Variants in NOL4 observed in about 807,000 individuals in gnomAD.
The protein encoded by NOL4 is cancer/testis antigen 125.
A neutral mutation model predicts 75.9 loss-of-function variants in NOL4; 17 were observed. The observed-to-expected ratio is 0.22, with a 90% CI of 0.15 to 0.34. NOL4 has a LOEUF of 0.34. NOL4 is among the 10% of genes least tolerant of loss of function. NOL4 has a pLI of 1.00. For missense variants in NOL4, 614 were observed against 793.5 expected, an observed-to-expected ratio of 0.77 and a Z score of 2.72; for synonymous variants, 292 against 289.9, an observed-to-expected ratio of 1.01 and a Z score of -0.07.
At chr18:34,048,360 T>C (rs2076474654) in intron 5 of NOL4, 6 of 725,656 alleles carry the variant, frequency 8.3e-6, no homozygotes, top group South Asian at 6.2e-5. Flanking sequence ...GTCATTCTAC[T>C]GCTTCATGGG....
intron 1 of NOL4, among the ~76,000 whole-genome samples, chr18:34,154,482 T>C (rs1170619876): frequency 6.6e-6 from 1 of 152,018 alleles, no homozygotes; most frequent in Non-Finnish European, 1.5e-5. Flanking sequence ...TCATTATGTT[T>C]GTGGGATTCA....
intron 5 of NOL4, among the ~76,000 whole-genome samples, chr18:34,087,018 G>C (rs1568324077): frequency 6.6e-6 from 1 of 152,250 alleles, no homozygotes; most frequent in South Asian, 2.1e-4. Context: ...TGAGCATGAA[G>C]TGCACCAATG....
In NOL4 at chr18:34,069,392, T is replaced by C. The variant is rs187809391; in HGVS notation, c.772+24073A>G. On this transcript the variant is annotated intron_variant, in intron 5 of 10. Transcript: ENST00000261592. ...AATCAAGTGGAAAACAGATGGTCAG[T>C]GACCTGTGGCATAAACTTCAAAAAT... Among the ~76,000 whole-genome samples the C allele has an allele frequency of 2.8e-4, 43 of 152,278 alleles. No homozygotes were observed. The East Asian group carries it at 7.9e-3, about 28-fold the overall frequency.
chr18:33,890,232 T>C (rs1001812601), intron 9 of NOL4, among the ~76,000 whole-genome samples: 2 of 151,804 alleles, frequency 1.3e-5, no homozygotes, highest in African/African-American at 4.8e-5. Context: ...AGCATTCCTA[T>C]ACACCAGTAA....
At chr18:34,049,707 A>G (rs1013756152) in intron 5 of NOL4, among the ~76,000 whole-genome samples, 1 of 152,028 alleles carries the variant, frequency 6.6e-6, no homozygotes, top group East Asian at 1.9e-4. Flanking sequence ...CTATTCCTGC[A>G]TACCACCCTT....
At chr18:33,988,896 A>T (rs1314461326) in intron 6 of NOL4, among the ~76,000 whole-genome samples, 1 of 151,992 alleles carries the variant, frequency 6.6e-6, no homozygotes, top group Non-Finnish European at 1.5e-5. Context: ...TTTAAAATAG[A>T]GGTTTAAAAT....
intron 5 of NOL4, among the ~76,000 whole-genome samples, chr18:34,060,725 G>A (rs1436086329): frequency 6.6e-6 from 1 of 152,120 alleles, no homozygotes; most frequent in African/African-American, 2.4e-5. Flanking sequence ...GGAGGAAATG[G>A]ACAAATCTGT....
chr18:33,896,087 C>A (rs140746014), intron 9 of NOL4, among the ~76,000 whole-genome samples: 1 of 151,936 alleles, frequency 6.6e-6, no homozygotes, highest in Non-Finnish European at 1.5e-5. Context: ...AGGAATACAG[C>A]TAACGAGGGA....
At chr18:33,912,725 C>T (rs571595960) in intron 9 of NOL4, among the ~76,000 whole-genome samples, 32 of 152,182 alleles carry the variant, frequency 2.1e-4, no homozygotes, top group African/African-American at 7.5e-4. Flanking sequence ...ATAAATATTA[C>T]TCTCTTCTAC....
At chr18:33,997,291 T>C (rs1203047947) in intron 6 of NOL4, among the ~76,000 whole-genome samples, 2 of 151,982 alleles carry the variant, frequency 1.3e-5, no homozygotes, top group Non-Finnish European at 2.9e-5. Flanking sequence ...TTCTTTTGCA[T>C]ATCAACAGCC....
chr18:34,155,550 C>T (rs2030222136), intron 1 of NOL4, among the ~76,000 whole-genome samples: 1 of 152,038 alleles, frequency 6.6e-6, no homozygotes, highest in South Asian at 2.1e-4. Flanking sequence ...GACTACTACA[C>T]ACCTAGGCTG....
chr18:34,185,125 C>T (rs1333652886), intron 1 of NOL4, among the ~76,000 whole-genome samples: 1 of 152,140 alleles, frequency 6.6e-6, no homozygotes, highest in African/African-American at 2.4e-5. Flanking sequence ...TGCCTCCTTA[C>T]ACTAGATTCC....
At position 34,224,374 on chromosome 18, in the gene NOL4, G is replaced by A. The variant is rs1385053525; in HGVS notation, c.-1121C>T. 2 of 152,588 alleles carry A rather than the reference G, an allele frequency of 1.3e-5. No individual in the cohort carries two copies. Among genetic ancestry groups the A allele is most frequent in the African/African-American group, 2.4e-5 (1 of 41,442 alleles). The allele number at this position is 152,588 out of a possible 1,614,324, so 9.5% of individuals were successfully genotyped here. On this transcript the variant is annotated 5_prime_UTR_variant, in exon 1 of 11. Coordinates refer to ENST00000261592, the MANE Select transcript of NOL4 (RefSeq NM_003787.5). The stretch of plus-strand genomic sequence containing the variant: ...GTCTATTTTCCCCCTGCCACGTCAT[G>A]GACACCCCCTCCACTGCTCTGAGTA...
chr18:33,907,011 T>C (rs1388871958), intron 9 of NOL4, among the ~76,000 whole-genome samples: 2 of 152,126 alleles, frequency 1.3e-5, no homozygotes, highest in East Asian at 3.9e-4. Context: ...AGTTACTTAG[T>C]TTTCAGATTG....
intron 6 of NOL4, among the ~76,000 whole-genome samples, chr18:33,993,526 G>A (rs998207499): frequency 2.5e-4 from 38 of 151,838 alleles, no homozygotes; most frequent in African/African-American, 9.2e-4. Flanking sequence ...TATTTAAAAT[G>A]GGAAGTTTCC....
At chr18:34,167,412 G>C (rs2032512430) in intron 1 of NOL4, among the ~76,000 whole-genome samples, 1 of 151,958 alleles carries the variant, frequency 6.6e-6, no homozygotes. Flanking sequence ...CTCTGGCTTG[G>C]ATTACTTATT....
chr18:34,152,504 A>C (rs1158013494), intron 1 of NOL4, among the ~76,000 whole-genome samples: 1 of 151,984 alleles, frequency 6.6e-6, no homozygotes, highest in Non-Finnish European at 1.5e-5. Flanking sequence ...AATCCTACAC[A>C]GGATAATTTT....
intron 5 of NOL4, among the ~76,000 whole-genome samples, chr18:34,064,922 C>T (rs1265979536): frequency 6.6e-5 from 2 of 30,388 alleles, no homozygotes; most frequent in Non-Finnish European, 1.7e-4. Flanking sequence ...TTTTTTAACA[C>T]ACACACACAC....
chr18:34,108,403 T>G (rs572331605), intron 2 of NOL4, among the ~76,000 whole-genome samples: 2 of 151,178 alleles, frequency 1.3e-5, no homozygotes, highest in African/African-American at 4.8e-5. Flanking sequence ...TCAGAGTGGC[T>G]AAATGAATTT....
Sources: allele counts gnomAD v4.1 joint callset (sites outside exome capture counted in the v4.1 genomes callset), GRCh38; gene constraint gnomAD v4.1.1; transcripts MANE v1.5; gene names NCBI Gene and HGNC (gene_info 2026-07-23, HGNC 2026-07-21).